APPBP2: variants seen among roughly 807,000 people sequenced by gnomAD.
APPBP2 encodes the protein amyloid beta precursor protein binding protein 2.
APPBP2 carries 15 observed loss-of-function variants against 76.0 expected under a neutral mutation model. The ratio of observed to expected loss-of-function variants is 0.20; its 90% CI spans 0.13 to 0.30. The LOEUF (loss-of-function observed/expected upper bound fraction) is 0.30, where lower values mean the gene tolerates loss of function less well. APPBP2 is among the 10% of genes least tolerant of loss of function. The pLI, the probability that APPBP2 is intolerant of heterozygous loss-of-function variation, is 1.00. For missense variants in APPBP2, 401 were observed against 687.2 expected, an observed-to-expected ratio of 0.58 and a Z score of 4.66; for synonymous variants, 222 against 242.2, an observed-to-expected ratio of 0.92 and a Z score of 0.77.
intron 1 of APPBP2, among the ~76,000 whole-genome samples, chr17:60,519,846 C>T (rs1354025646): frequency 7.0e-6 from 1 of 142,918 alleles, no homozygotes; most frequent in Non-Finnish European, 1.5e-5. Context: ...TACGGTGATG[C>T]AATGACAGCT....
chr17:60,525,477 G>A (rs550615650), intron 1 of APPBP2, among the ~76,000 whole-genome samples: 75 of 152,292 alleles, frequency 4.9e-4, no homozygotes, highest in African/African-American at 1.7e-3. Flanking sequence ...CGGGCTAGAA[G>A]GAAAGGACTA....
intron 4 of APPBP2, among the ~76,000 whole-genome samples, chr17:60,469,167 CA>C (rs1473613601): frequency 1.3e-5 from 2 of 150,166 alleles, no homozygotes; most frequent in Non-Finnish European, 1.5e-5. Context: ...ACTAAAAATA[CA>C]AAAAAAAATT....
chr17:60,477,697 G>C (rs1012328280), intron 4 of APPBP2, among the ~76,000 whole-genome samples: 1 of 150,034 alleles, frequency 6.7e-6, no homozygotes, highest in Admixed American at 6.7e-5. Context: ...AATTAAGTTT[G>C]CATATTACAA....
chr17:60,467,191 T>C (rs866633280), intron 4 of APPBP2, among the ~76,000 whole-genome samples: 10 of 152,134 alleles, frequency 6.6e-5, no homozygotes, highest in Non-Finnish European at 1.3e-4. Context: ...GCTAGAACAT[T>C]ATGTTCATGT....
At chr17:60,505,104 TTA>T (rs1431770354) in intron 1 of APPBP2, among the ~76,000 whole-genome samples, 9 of 152,210 alleles carry the variant, frequency 5.9e-5, no homozygotes, top group African/African-American at 9.6e-5. Flanking sequence ...AATACAATGC[TTA>T]TATATATGGT....
intron 5 of APPBP2, chr17:60,465,102 G>GA (rs1466828143): frequency 7.9e-5 from 12 of 152,112 alleles, no homozygotes; most frequent in Admixed American, 2.0e-4. Flanking sequence ...TATGAGAAGT[G>GA]AAATGTGCCA....
rs1443507415 is a variant in APPBP2 at position 60,446,067 on chromosome 17, GA to G, written c.*1513del. ...CTCTCACCCAACATGCATGTTAAAA[GA>G]AAACTAAAATTCAACACACATCCAT... On this transcript the variant is annotated 3_prime_UTR_variant, in exon 13 of 13. Coordinates refer to ENST00000083182, the MANE Select transcript of APPBP2 (RefSeq NM_006380.5). The G allele has an allele frequency of 1.3e-5, 2 of 152,076 alleles. No homozygotes were observed. The highest frequency in any genetic ancestry group is 1.3e-4 in the Admixed American group (2 of 15,256). The allele number at this position is 152,076 out of a possible 1,614,324, so 9.4% of individuals were successfully genotyped here.
chr17:60,516,973 A>G (rs1231229290), intron 1 of APPBP2, among the ~76,000 whole-genome samples: 1 of 152,034 alleles, frequency 6.6e-6, no homozygotes, highest in Non-Finnish European at 1.5e-5. Flanking sequence ...TTCTCTTCAA[A>G]AAACAAACAA....
At chr17:60,514,036 G>A (rs1037366913) in intron 1 of APPBP2, among the ~76,000 whole-genome samples, 2 of 148,938 alleles carry the variant, frequency 1.3e-5, no homozygotes, top group Non-Finnish European at 3.0e-5. Context: ...CAGGCATGGT[G>A]GCTCACACCA....
chr17:60,495,238 G>A (rs138970667), intron 2 of APPBP2, among the ~76,000 whole-genome samples: 11 of 151,142 alleles, frequency 7.3e-5, no homozygotes, highest in Admixed American at 2.6e-4. Flanking sequence ...TACCCACCTC[G>A]GCCTCCCAAA....
At position 60,447,853 on chromosome 17, in the gene APPBP2, AGG is replaced by A; in HGVS notation, c.1505-21_1505-20del. ...TTCTTCCCTGTAACAAAAAAGAAAA[AGG>A]AAAAAAAAAAAAGCACAAATAATGA... On this transcript the variant is annotated intron_variant, in intron 12 of 12. Coordinates refer to ENST00000083182, the MANE Select transcript of APPBP2 (RefSeq NM_006380.5). The A allele has an allele frequency of 1.9e-6, 3 of 1,549,204 alleles. No individual in the cohort carries two copies. Among genetic ancestry groups the A allele is most frequent in the South Asian group, 1.2e-5 (1 of 82,204 alleles).
intron 2 of APPBP2, among the ~76,000 whole-genome samples, chr17:60,498,760 A>G (rs2090797914): frequency 6.6e-6 from 1 of 152,158 alleles, no homozygotes; most frequent in East Asian, 1.9e-4. Flanking sequence ...AGGGGAGGGG[A>G]AGTAGTGACT....
chr17:60,515,112 ATTTTTTT>A (rs746696162), intron 1 of APPBP2, among the ~76,000 whole-genome samples: 4 of 106,228 alleles, frequency 3.8e-5, no homozygotes, highest in Non-Finnish European at 7.9e-5. Flanking sequence ...CCTATTTTAA[ATTTTTTT>A]TTTTTTTTTT....
chr17:60,475,234 CAAAAACA>C (rs140161610), intron 4 of APPBP2, among the ~76,000 whole-genome samples: 2,253 of 151,840 alleles, frequency 0.015, 48 homozygotes, highest in African/African-American at 0.05. Context: ...TCAAAAAAAA[CAAAAACA>C]AAAAACAAAA....
In APPBP2 at chr17:60,479,241, C is replaced by T. The variant is rs993700103; in HGVS notation, c.410G>A (p.Ser137Asn). The change falls in exon 4 of 13, where the codon AGT becomes AAT. Residue 137 changes from serine to asparagine, a missense_variant. Ser to Asn is a conservative substitution (Grantham distance 46). Coordinates refer to ENST00000083182, the MANE Select transcript of APPBP2 (RefSeq NM_006380.5). The part of the protein sequence containing the change: ...GGFLSDAGWY[S>N]DAEKVFLSCL... Reference sequence around the variant, plus strand: ...GGACAGAAAAACTTTCTCAGCATCACTGTACCAGCCTGCATCTGAAAGAAA... The same window carrying T: ...GGACAGAAAAACTTTCTCAGCATCATTGTACCAGCCTGCATCTGAAAGAAA... 13 of 1,609,096 alleles carry T rather than the reference C, an allele frequency of 8.1e-6. No individual in the cohort carries two copies. Among genetic ancestry groups the T allele is most frequent in the Admixed American group, 6.8e-5 (4 of 58,524 alleles).
chr17:60,464,043 TCCA>T lies in APPBP2; in HGVS notation c.737_739del (p.Val246del). On this transcript the variant is annotated inframe_deletion, in exon 6 of 13. Coordinates refer to ENST00000083182, the MANE Select transcript of APPBP2 (RefSeq NM_006380.5). ...TACCTTAGAAGCTTGTCTTAAGACATCCACCACAACTTTCACTGGTAAGCCTGC... is the reference window on the plus strand; with the variant it reads ...TACCTTAGAAGCTTGTCTTAAGACATCCACAACTTTCACTGGTAAGCCTGC... The T allele has an allele frequency of 6.2e-7, 1 of 1,610,426 alleles. No homozygotes were observed. The highest frequency in any genetic ancestry group is 8.5e-7 in the Non-Finnish European group (1 of 1,178,084).
intron 1 of APPBP2, among the ~76,000 whole-genome samples, chr17:60,510,339 G>A (rs116992104): frequency 0.032 from 4,853 of 152,204 alleles, 121 homozygotes; most frequent in Non-Finnish European, 0.05. Context: ...GAAGGTCAAG[G>A]CTGCAGTGAG....
At chr17:60,475,732 C>T (rs946772928) in intron 4 of APPBP2, among the ~76,000 whole-genome samples, 1 of 150,876 alleles carries the variant, frequency 6.6e-6, no homozygotes, top group Non-Finnish European at 1.5e-5. Context: ...TCAAGAAGTT[C>T]TTTTTATTAT....
At chr17:60,482,428 CTTTTT>C (rs1022774003) in intron 3 of APPBP2, among the ~76,000 whole-genome samples, 1 of 152,024 alleles carries the variant, frequency 6.6e-6, no homozygotes, top group Non-Finnish European at 1.5e-5. Flanking sequence ...AAAGACAATT[CTTTTT>C]TATTTTTTAG....
Sources: allele counts gnomAD v4.1 joint callset (sites outside exome capture counted in the v4.1 genomes callset), GRCh38; gene constraint gnomAD v4.1.1; transcripts MANE v1.5; gene names NCBI Gene and HGNC (gene_info 2026-07-23, HGNC 2026-07-21).